The following TMEM223 variants were observed in gnomAD, a reference collection of about 807,000 sequenced individuals.
TMEM223 encodes transmembrane protein 223.
A neutral mutation model predicts 14.1 loss-of-function variants in TMEM223; 14 were observed. The ratio of observed to expected loss-of-function variants is 0.99; its 90% CI spans 0.66 to 1.55. The LOEUF is 1.55. Ranked by LOEUF, TMEM223 falls within the 40% of genes most tolerant of loss-of-function variation. The probability of loss-of-function intolerance (pLI) is 0.00; values close to 1 mark genes in which losing one functional copy is unlikely to be tolerated. For missense variants in TMEM223, 346 were observed against 269.9 expected (o/e 1.28, Z -1.97); for synonymous variants, 145 against 120.5 (o/e 1.20, Z -1.33).
At chr11:62,787,407 G>A, downstream of TMEM223, 1 of 1,555,208 alleles carries the variant, frequency 6.4e-7, no homozygotes, top group Non-Finnish European at 8.6e-7. Flanking sequence ...CTGCTGCAGC[G>A]GCGCTTCCTG....
chr11:62,778,389 C>T (rs769802024), intron 1 of TMEM223: 1 of 1,604,208 alleles, frequency 6.2e-7, no homozygotes, highest in South Asian at 1.1e-5. Context: ...CCCTTAGGTT[C>T]TGAGGGTGGT....
In TMEM223 at chr11:62,791,851, G is replaced by A. The variant is rs1427413896; in HGVS notation, c.144C>T (p.Leu48=). The A allele has an allele frequency of 3.8e-6, 6 of 1,592,532 alleles. No homozygotes were observed. Among genetic ancestry groups the A allele is most frequent in the Non-Finnish European group, 4.3e-6 (5 of 1,170,292 alleles). ...CGCCCTGGCCCGCGCAGAACAGCCC[G>A]AGGATGGTGAAGAAGCGGCCCCGAT... ...EHDRGRFFTI[L]GLFCAGQGVF... Residue 48 remains leucine (L), a synonymous_variant, in exon 1 of 2, where the codon CTC becomes CTT. Coordinates refer to ENST00000307366, the MANE Select transcript of TMEM223 (RefSeq NM_001080501.3).
At chr11:62,776,095 G>T (rs553518735) in intron 1 of TMEM223, among the ~76,000 whole-genome samples, 8 of 152,212 alleles carry the variant, frequency 5.3e-5, no homozygotes, top group African/African-American at 1.9e-4. Flanking sequence ...TGGGCTTCCA[G>T]CAGACAAAGC....
intron 1 of TMEM223, chr11:62,782,156 T>C: frequency 2.5e-6 from 4 of 1,613,624 alleles, no homozygotes; most frequent in Non-Finnish European, 3.4e-6. Flanking sequence ...CACCGGCTGC[T>C]GCAGGTGGCA....
downstream of TMEM223, chr11:62,785,961 A>G (rs1456996997): frequency 3.9e-6 from 1 of 253,182 alleles, no homozygotes; most frequent in Non-Finnish European, 7.9e-6. Context: ...TGTATAGGGT[A>G]GCAGTATGCA....
At chr11:62,786,559 G>C (rs1297405133), downstream of TMEM223, 12 of 1,557,530 alleles carry the variant, frequency 7.7e-6, no homozygotes, top group Non-Finnish European at 9.6e-6. Flanking sequence ...CCAGGCAGCA[G>C]AGCCCAACAG....
chr11:62,774,060 T>C (rs2084168303), intron 2 of TMEM223, among the ~76,000 whole-genome samples: 1 of 152,042 alleles, frequency 6.6e-6, no homozygotes, highest in East Asian at 1.9e-4. Context: ...TCCAGAGCCA[T>C]TGTTCAGATT....
downstream of TMEM223, chr11:62,782,904 T>G: frequency 1.3e-6 from 2 of 1,565,808 alleles, no homozygotes; most frequent in Non-Finnish European, 1.7e-6. Context: ...CATCGTTATC[T>G]CCAAAATAGT....
intron 1 of TMEM223, 56 bp from the exon 2 acceptor site, chr11:62,790,971 A>C: frequency 4.8e-6 from 7 of 1,456,732 alleles, no homozygotes; most frequent in Non-Finnish European, 6.4e-6. Context: ...CTAAGTACCG[A>C]CCTTTCCAGT....
intron 1 of TMEM223, chr11:62,782,493 C>T: frequency 9.6e-7 from 1 of 1,045,818 alleles, no homozygotes; most frequent in Non-Finnish European, 1.4e-6. Context: ...CACTGGGATT[C>T]TGAAAATGGA....
chr11:62,788,426 C>G (rs143245310), downstream of TMEM223, among the ~76,000 whole-genome samples: 1 of 151,378 alleles, frequency 6.6e-6, no homozygotes. Context: ...AAACACTGGC[C>G]GGGCCTGGTG....
At chr11:62,782,624 T>C, downstream of TMEM223, 2 of 1,582,522 alleles carry the variant, frequency 1.3e-6, no homozygotes, top group Non-Finnish European at 1.7e-6. Context: ...ATTCTCTTTG[T>C]GTTGTCTTGT....
downstream of TMEM223, chr11:62,787,095 C>A (rs762834331): frequency 2.6e-6 from 4 of 1,541,032 alleles, no homozygotes; most frequent in South Asian, 3.5e-5. Context: ...CCCCGCGCGG[C>A]GCCCCGCACT....
At position 62,790,871 on chromosome 11, in the gene TMEM223, C is replaced by CA; in HGVS notation, c.360dup (p.Val121CysfsTer42). The stretch of plus-strand genomic sequence containing the variant: ...CCAGCTCGAAGCACCACTGAGCGCA[C>CA]AGACCGGAGAGAGAAGAGAAGACCA... On this transcript the variant is annotated frameshift_variant, in exon 2 of 2. Transcript: ENST00000307366. LOFTEE classifies it high-confidence loss of function. 6.2e-7 allele frequency: 1 copy of CA among 1,604,050 alleles called. No homozygotes were observed. The highest frequency in any genetic ancestry group is 1.1e-5 in the South Asian group (1 of 89,492).
At chr11:62,785,582 T>C (rs1046911728), downstream of TMEM223, among the ~76,000 whole-genome samples, 440 of 150,496 alleles carry the variant, frequency 2.9e-3, 2 homozygotes, top group African/African-American at 9.5e-3. Flanking sequence ...CTTCCCAGGG[T>C]GGAGTGCGGT....
chr11:62,778,733 C>G, intron 1 of TMEM223: 2 of 764,204 alleles, frequency 2.6e-6, no homozygotes, highest in Admixed American at 2.0e-5. Flanking sequence ...TAAGAGCAGT[C>G]TCTTGCCCTG....
downstream of TMEM223, chr11:62,786,099 G>T: frequency 1.2e-6 from 1 of 850,250 alleles, no homozygotes. Context: ...GTATACAGTA[G>T]GTTCCAAATA....
At chr11:62,789,238 G>T (rs2084329374), downstream of TMEM223, 1 of 1,613,796 alleles carries the variant, frequency 6.2e-7, no homozygotes. Context: ...AGGGCCAGGG[G>T]CTGAGGTAGG....
Position 62,790,360 on chromosome 11 carries a change from TCC to T in TMEM223, c.*261_*262del. ...AGGCAGCTGCCCTAGGGATGACTGC[TCC>T]TTTATTTGTTGTTAATGAATCTTGA... On this transcript the variant is annotated 3_prime_UTR_variant, in exon 2 of 2. Transcript: ENST00000307366. 1.8e-6 allele frequency: 1 copy of T among 545,476 alleles called. No homozygotes were observed. Among genetic ancestry groups the T allele is most frequent in the Non-Finnish European group, 3.2e-6 (1 of 312,318 alleles). The allele number at this position is 545,476 out of a possible 1,614,324, so 33.8% of individuals were successfully genotyped here. A position where few individuals can be genotyped will look rare whatever the true frequency, so the allele number is the denominator to read the frequency against.
Sources: gnomAD v4.1 joint callset for allele counts (sites outside exome capture counted in the v4.1 genomes callset) on GRCh38, gnomAD v4.1.1 for gene constraint, MANE v1.5 for transcripts, NCBI Gene and HGNC (gene_info 2026-07-23, HGNC 2026-07-21) for gene names.